Variants in RALYL observed in about 807,000 individuals in gnomAD.
The protein encoded by RALYL is RALY RNA binding protein like.
In RALYL, 29 loss-of-function variants were observed where a neutral mutation model predicts 35.1. That is an observed-to-expected ratio of 0.83 (90% CI 0.61 to 1.13). The LOEUF is 1.13. RALYL is among the 50% of genes most tolerant of loss of function. The pLI, the probability that RALYL is intolerant of heterozygous loss-of-function variation, is 0.00. For synonymous variants in RALYL, 120 were observed against 127.6 expected (o/e 0.94, Z 0.40); for missense variants, 359 against 360.4 (o/e 1.00, Z 0.03).
At chr8:84,749,811 T>A (rs1041600927) in intron 2 of RALYL, among the ~76,000 whole-genome samples, 8 of 152,172 alleles carry the variant, frequency 5.3e-5, no homozygotes, top group Non-Finnish European at 1.2e-4. Flanking sequence ...TATTGTGAGC[T>A]GAATTCAATT....
At chr8:84,765,651 A>G (rs1563552966) in intron 2 of RALYL, among the ~76,000 whole-genome samples, 1 of 152,114 alleles carries the variant, frequency 6.6e-6, no homozygotes, top group Non-Finnish European at 1.5e-5. Context: ...TGGGTAATGT[A>G]TGGTTATGTC....
intron 1 of RALYL, among the ~76,000 whole-genome samples, chr8:84,283,381 A>G (rs1836991251): frequency 1.3e-5 from 2 of 152,128 alleles, no homozygotes; most frequent in African/African-American, 2.4e-5. Context: ...AGAAAGAGCC[A>G]TCAAAGGAAA....
intron 1 of RALYL, among the ~76,000 whole-genome samples, chr8:84,359,543 A>G (rs1336570057): frequency 6.6e-6 from 1 of 152,066 alleles, no homozygotes; most frequent in African/African-American, 2.4e-5. Flanking sequence ...AGTCATGTCT[A>G]ATAATCATAT....
intron 1 of RALYL, among the ~76,000 whole-genome samples, chr8:84,507,723 C>T (rs904873892): frequency 3.3e-5 from 5 of 152,146 alleles, no homozygotes; most frequent in African/African-American, 1.2e-4. Context: ...CACCTTGTAT[C>T]CACAGAGGTT....
At chr8:84,243,454 T>G (rs1489910819) in intron 1 of RALYL, among the ~76,000 whole-genome samples, 1 of 151,546 alleles carries the variant, frequency 6.6e-6, no homozygotes, top group African/African-American at 2.4e-5. Context: ...ATTTTTCCTA[T>G]CCATGAGCAT....
intron 1 of RALYL, among the ~76,000 whole-genome samples, chr8:84,438,552 C>G (rs942356018): frequency 2.0e-5 from 3 of 151,894 alleles, no homozygotes; most frequent in African/African-American, 7.3e-5. Context: ...TCTCAATAAG[C>G]TATTTTTTTA....
At chr8:84,540,057 T>C (rs781779129) in intron 2 of RALYL, among the ~76,000 whole-genome samples, 6 of 151,560 alleles carry the variant, frequency 4.0e-5, no homozygotes, top group Admixed American at 3.3e-4. Context: ...TTATTCCCGG[T>C]CTATTTATTG....
At chr8:84,358,396 G>A (rs990161432) in intron 1 of RALYL, among the ~76,000 whole-genome samples, 2 of 152,020 alleles carry the variant, frequency 1.3e-5, no homozygotes, top group Non-Finnish European at 2.9e-5. Context: ...AGATAAAATT[G>A]TGTGTCTGTG....
chr8:84,618,079 C>T (rs1820280624), intron 2 of RALYL, among the ~76,000 whole-genome samples: 1 of 151,726 alleles, frequency 6.6e-6, no homozygotes, highest in Admixed American at 6.6e-5. Flanking sequence ...CTCTGCCCGG[C>T]TTTGGTATCA....
chr8:84,853,282 T>C (rs1836258632), intron 5 of RALYL, among the ~76,000 whole-genome samples: 1 of 152,194 alleles, frequency 6.6e-6, no homozygotes, highest in Non-Finnish European at 1.5e-5. Flanking sequence ...GGTTTTCAGT[T>C]TTCTCATCTT....
At chr8:84,521,797 T>A (rs1007563513) in intron 1 of RALYL, among the ~76,000 whole-genome samples, 1 of 152,172 alleles carries the variant, frequency 6.6e-6, no homozygotes, top group Non-Finnish European at 1.5e-5. Flanking sequence ...AATTATTAAC[T>A]TTTTATAACT....
At chr8:84,251,008 G>T (rs1191840720) in intron 1 of RALYL, among the ~76,000 whole-genome samples, 1 of 152,004 alleles carries the variant, frequency 6.6e-6, no homozygotes, top group African/African-American at 2.4e-5. Flanking sequence ...TATTAAATAG[G>T]TTCTTAAAAT....
intron 1 of RALYL, among the ~76,000 whole-genome samples, chr8:84,301,315 A>G (rs76247732): frequency 1.3e-5 from 2 of 151,148 alleles, no homozygotes; most frequent in African/African-American, 4.9e-5. Flanking sequence ...CTTAAAAAAA[A>G]TTTTTTTTTA....
chr8:84,334,908 A>G lies in RALYL; in HGVS notation c.-24+150484A>G, dbSNP rs79624581. Among the ~76,000 whole-genome samples the G allele has an allele frequency of 5.5e-3, 832 of 152,290 alleles. 11 individuals carry two copies. The highest frequency in any genetic ancestry group is 0.019 in the African/African-American group (781 of 41,572). ...CTAAATTAACCCTGTCCTCTTATCC[A>G]TCTCAAGCCTACTTTGGACTGGATG... On this transcript the variant is annotated intron_variant, in intron 1 of 8. Transcript: ENST00000521268.
intron 2 of RALYL, among the ~76,000 whole-genome samples, chr8:84,729,856 G>C (rs1233316320): frequency 2.0e-5 from 3 of 152,212 alleles, no homozygotes; most frequent in African/African-American, 7.2e-5. Flanking sequence ...TCTCTGAATA[G>C]ACCAATAACA....
rs550802505 is a variant in RALYL, at chr8:84,790,937, T to A, written c.333-13833T>A. ...GTTTACAATTTCATTTAGGTTATAA[T>A]TCACCGTGTACTGAGAAACCTTTAG... On this transcript the variant is annotated intron_variant, in intron 3 of 8. Transcript: ENST00000521268. Among the ~76,000 whole-genome samples, 6 of 152,288 alleles carry A rather than the reference T, an allele frequency of 3.9e-5. No individual in the cohort carries two copies. The East Asian group carries it at 9.7e-4, about 24-fold the overall frequency.
At chr8:84,583,611 A>G (rs1425020202) in intron 2 of RALYL, among the ~76,000 whole-genome samples, 2 of 152,152 alleles carry the variant, frequency 1.3e-5, no homozygotes, top group East Asian at 3.8e-4. Flanking sequence ...TAAACAGCAA[A>G]ATTGCTCAGT....
intron 8 of RALYL, among the ~76,000 whole-genome samples, chr8:84,903,112 G>A (rs1446954573): frequency 6.6e-6 from 1 of 152,028 alleles, no homozygotes; most frequent in Non-Finnish European, 1.5e-5. Flanking sequence ...TGTCTTAAAA[G>A]TCTAGAATAT....
At chr8:84,421,623 GC>G (rs1225994374) in intron 1 of RALYL, among the ~76,000 whole-genome samples, 1 of 131,450 alleles carries the variant, frequency 7.6e-6, no homozygotes, top group East Asian at 2.2e-4. Context: ...CCTGTCTTGT[GC>G]CAGTTTTCAA....
Sources: allele counts gnomAD v4.1 joint callset (sites outside exome capture counted in the v4.1 genomes callset), GRCh38; gene constraint gnomAD v4.1.1; transcripts MANE v1.5; gene names NCBI Gene and HGNC (gene_info 2026-07-23, HGNC 2026-07-21).